The following TAMM41 variants were observed in gnomAD, a reference collection of about 807,000 sequenced individuals.
TAMM41 encodes the protein phosphatidate cytidylyltransferase, mitochondrial.
In TAMM41, 36 loss-of-function variants were observed where a neutral mutation model predicts 44.1. That is an observed-to-expected ratio of 0.82 (90% CI 0.63 to 1.08). The LOEUF (loss-of-function observed/expected upper bound fraction) is 1.08. Ranked by LOEUF, TAMM41 falls within the 50% of genes least tolerant of loss-of-function variation. The pLI is 0.00. For synonymous variants in TAMM41, 164 were observed against 153.1 expected, an observed-to-expected ratio of 1.07 and a Z score of -0.53; for missense variants, 417 against 404.3, an observed-to-expected ratio of 1.03 and a Z score of -0.27.
intron 3 of TAMM41, among the ~76,000 whole-genome samples, chr3:11,838,143 T>G (rs1485786819): frequency 6.6e-6 from 1 of 152,194 alleles, no homozygotes; most frequent in African/African-American, 2.4e-5. Flanking sequence ...TTGAAAGGGA[T>G]GGGGGCTACT....
At chr3:11,738,304 C>T in the TAMM41 span, among the ~76,000 whole-genome samples, 5 of 152,172 alleles carry the variant, frequency 3.3e-5, no homozygotes, top group Non-Finnish European at 7.3e-5. Context: ...CCCCTTTGCT[C>T]GTCTTAGAAC....
chr3:11,779,989 A>T, the TAMM41 span, among the ~76,000 whole-genome samples: 1 of 152,070 alleles, frequency 6.6e-6, no homozygotes, highest in East Asian at 1.9e-4. Context: ...CATCACTTCA[A>T]TCTGTCCCTT....
At chr3:11,729,071 A>T in the TAMM41 span, among the ~76,000 whole-genome samples, 1 of 151,860 alleles carries the variant, frequency 6.6e-6, no homozygotes, top group East Asian at 1.9e-4. Context: ...TGTGAATGTC[A>T]GTTCTTTTCA....
At chr3:11,789,923 G>C (rs1216071183), downstream of TAMM41, among the ~76,000 whole-genome samples, 1 of 152,128 alleles carries the variant, frequency 6.6e-6, no homozygotes, top group Non-Finnish European at 1.5e-5. Context: ...CTCTGCAGTG[G>C]GTTTCCTGTT....
chr3:11,809,463 A>G, intron 6 of TAMM41, 54 bp downstream of exon 6: 1 of 1,595,940 alleles, frequency 6.3e-7, no homozygotes, highest in Non-Finnish European at 8.6e-7. Context: ...TCACAAACAA[A>G]GTCTGCTTTT....
At chr3:11,793,747 T>TAA (rs1324420624) in intron 7 of TAMM41, among the ~76,000 whole-genome samples, 1 of 152,088 alleles carries the variant, frequency 6.6e-6, no homozygotes, top group Non-Finnish European at 1.5e-5. Flanking sequence ...TATACATGGT[T>TAA]AAAAAATGGG....
chr3:11,824,357 ATTTTTTTT>A (rs34155955), intron 4 of TAMM41, among the ~76,000 whole-genome samples: 3 of 105,134 alleles, frequency 2.9e-5, no homozygotes, highest in South Asian at 3.3e-4. Context: ...TGCCTGGCTA[ATTTTTTTT>A]TTTTTTTTTT....
intron 7 of TAMM41, among the ~76,000 whole-genome samples, chr3:11,791,226 G>C (rs1421460282): frequency 6.6e-6 from 1 of 152,170 alleles, no homozygotes; most frequent in Non-Finnish European, 1.5e-5. Flanking sequence ...CTGTCACCTA[G>C]TACAGGACCC....
chr3:11,744,881 TGAGATGGAGTC>T, the TAMM41 span, among the ~76,000 whole-genome samples: 228 of 151,376 alleles, frequency 1.5e-3, no homozygotes, highest in African/African-American at 5.3e-3. Flanking sequence ...TTTTTTTTTT[TGAGATGGAGTC>T]TTGCTCTGTT....
intron 7 of TAMM41, among the ~76,000 whole-genome samples, chr3:11,797,450 A>C (rs1280418003): frequency 6.6e-6 from 1 of 152,236 alleles, no homozygotes; most frequent in Non-Finnish European, 1.5e-5. Context: ...CCATATGCTG[A>C]AGATCGAAAC....
the TAMM41 span, among the ~76,000 whole-genome samples, chr3:11,738,848 G>A: frequency 6.6e-6 from 1 of 152,204 alleles, no homozygotes; most frequent in African/African-American, 2.4e-5. Flanking sequence ...CCAGCAGCCT[G>A]TGTTTCAGCA....
intron 3 of TAMM41, among the ~76,000 whole-genome samples, chr3:11,838,169 T>C (rs1265497597): frequency 6.6e-6 from 1 of 152,178 alleles, no homozygotes; most frequent in Admixed American, 6.5e-5. Context: ...TCTCCTCTGG[T>C]TTCATAATTT....
chr3:11,807,094 A>G, intron 7 of TAMM41: 1 of 882,890 alleles, frequency 1.1e-6, no homozygotes, highest in African/African-American at 1.8e-5. Context: ...TGCTTCACCA[A>G]AATGAGAGTG....
the TAMM41 span, among the ~76,000 whole-genome samples, chr3:11,755,542 CGAG>C: frequency 2.0e-5 from 3 of 152,168 alleles, no homozygotes; most frequent in Admixed American, 6.5e-5. Context: ...GGAATTCACA[CGAG>C]GAGAACTGCT....
At chr3:11,842,154 C>T (rs538701867) in intron 2 of TAMM41, among the ~76,000 whole-genome samples, 2 of 151,988 alleles carry the variant, frequency 1.3e-5, no homozygotes, top group East Asian at 1.9e-4. Context: ...TTTGGGAGGC[C>T]GAGACGGGTG....
intron 4 of TAMM41, among the ~76,000 whole-genome samples, chr3:11,823,259 T>G (rs1405594633): frequency 4.0e-5 from 6 of 148,760 alleles, no homozygotes; most frequent in East Asian, 1.9e-4. Context: ...TTGTTGTTTT[T>G]TTTTTTTTTT....
intron 2 of TAMM41, among the ~76,000 whole-genome samples, chr3:11,843,235 C>T (rs1411868809): frequency 6.6e-6 from 1 of 152,208 alleles, no homozygotes; most frequent in African/African-American, 2.4e-5. Flanking sequence ...CCTATTCCTC[C>T]CACTGACCAG....
chr3:11,844,565 A>G (rs2079589520), intron 1 of TAMM41, among the ~76,000 whole-genome samples: 1 of 152,216 alleles, frequency 6.6e-6, no homozygotes, highest in South Asian at 2.1e-4. Flanking sequence ...CCAAGGACAC[A>G]GAGCTTGTGA....
intron 3 of TAMM41, among the ~76,000 whole-genome samples, chr3:11,837,086 T>G (rs1221970897): frequency 6.6e-6 from 1 of 152,208 alleles, no homozygotes; most frequent in African/African-American, 2.4e-5. Flanking sequence ...AGCTACACTA[T>G]GAAATTGTAA....
Sources: allele counts gnomAD v4.1 joint callset (sites outside exome capture counted in the v4.1 genomes callset), GRCh38; gene constraint gnomAD v4.1.1; transcripts MANE v1.5; gene names NCBI Gene and HGNC (gene_info 2026-07-23, HGNC 2026-07-21).